Variants in IREB2 observed in about 807,000 individuals in gnomAD.
IREB2 encodes the protein iron-responsive element-binding protein 2.
Under a neutral mutation model 118.8 loss-of-function variants are expected in IREB2, and 39 were observed. The ratio of observed to expected loss-of-function variants is 0.33; its 90% confidence interval spans 0.25 to 0.43. The LOEUF (loss-of-function observed/expected upper bound fraction) is 0.43, where lower values mean the gene tolerates loss of function less well. Among genes scored for constraint, IREB2 ranks in the 20% least tolerant of loss-of-function variants. The pLI is 1.00. For synonymous variants in IREB2, 372 were observed against 392.2 expected (o/e 0.95, Z 0.61); for missense variants, 900 against 1,147.3 (o/e 0.78, Z 3.11).
Position 78,487,825 on chromosome 15 carries a change from G to T in IREB2, c.1794+8G>T. 2 of 1,511,318 alleles carry T rather than the reference G, an allele frequency of 1.3e-6. No individual in the cohort carries two copies. Among genetic ancestry groups the T allele is most frequent in the Non-Finnish European group, 1.8e-6 (2 of 1,088,820 alleles). The allele number at this position is 1,511,318 out of a possible 1,614,324, so 93.6% of individuals were successfully genotyped here. On this transcript the variant is annotated splice_region_variant and intron_variant, in intron 14 of 21. Transcript: ENST00000258886. ...TTAAATGCAGTAAAACAGGTAAAAT[G>T]TGTGGATTGGCAAGACATCTAAATG... is the stretch of plus-strand genomic sequence containing the variant.
rs2051221345 is a variant in IREB2, at chr15:78,462,988, T to C, written c.173T>C (p.Met58Thr). The C allele has an allele frequency of 1.2e-6, 2 of 1,613,712 alleles. No homozygotes were observed. The highest frequency in any genetic ancestry group is 1.3e-5 in the African/African-American group (1 of 74,930). ...AAVRNCDGFL[M>T]KKEDVMNILD... The stretch of plus-strand genomic sequence containing the variant: ...GTACGAAATTGTGATGGCTTTTTAA[T>C]GAAGAAGGAAGATGTTATGAACATT... Residue 58 changes from methionine to threonine, a missense_variant, in exon 3 of 22, where the codon ATG (methionine) becomes ACG (threonine). By Grantham distance (81) the Met-to-Thr change is moderately conservative. Coordinates refer to ENST00000258886, the MANE Select transcript of IREB2 (RefSeq NM_004136.4).
At position 78,493,898 on chromosome 15, in the gene IREB2, C is replaced by T. The variant is rs752816193; in HGVS notation, c.2325-11C>T. ...ATGTAATGAAAACTGACTTTCATTA[C>T]TTTCTTGTAGCCTTACCCCTCGTGA... On this transcript the variant is annotated splice_polypyrimidine_tract_variant and intron_variant, in intron 18 of 21. Transcript: ENST00000258886. The T allele has an allele frequency of 1.9e-6, 3 of 1,602,156 alleles. No individual in the cohort carries two copies. In the African/African-American group the frequency reaches 4.0e-5, roughly 22 times the overall value.
intron 2 of IREB2, among the ~76,000 whole-genome samples, chr15:78,446,027 TTCTG>T (rs2050922898): frequency 6.6e-6 from 1 of 152,148 alleles, no homozygotes; most frequent in Non-Finnish European, 1.5e-5. Context: ...CAAGTGATCC[TTCTG>T]CCTCAGCCTC....
In IREB2 at chr15:78,497,884, C is replaced by G. The variant is rs1335875800; in HGVS notation, c.2782-149C>G. On this transcript the variant is annotated intron_variant, in intron 21 of 21. Coordinates refer to ENST00000258886, the MANE Select transcript of IREB2 (RefSeq NM_004136.4). Reference sequence around the variant, plus strand: ...TTTCAAGCAGCAGCAAAGTTTCAGGCAATCAGAATATAAGAAATTAGAACC... The same window carrying G: ...TTTCAAGCAGCAGCAAAGTTTCAGGGAATCAGAATATAAGAAATTAGAACC... The G allele has an allele frequency of 1.7e-5, 9 of 538,582 alleles. No individual in the cohort carries two copies. In the East Asian group the frequency reaches 2.8e-4, roughly 17 times the overall value. 33.4% of individuals were successfully genotyped at this position (538,582 alleles called of 1,614,324 possible). A position where few individuals can be genotyped will look rare whatever the true frequency, so the allele number is the denominator to read the frequency against.
chr15:78,468,542 C>CTT (rs111279004), intron 5 of IREB2, among the ~76,000 whole-genome samples: 13 of 143,550 alleles, frequency 9.1e-5, no homozygotes, highest in East Asian at 4.0e-4. Context: ...CTCCACCTGG[C>CTT]TTTTTTTTTT....
chr15:78,461,995 T>C (rs1342453563), intron 2 of IREB2, among the ~76,000 whole-genome samples: 1 of 152,200 alleles, frequency 6.6e-6, no homozygotes, highest in African/African-American at 2.4e-5. Context: ...TCGTTGTTTC[T>C]TTTTGTTAAA....
At chr15:78,462,630 A>C (rs990000603) in intron 2 of IREB2, among the ~76,000 whole-genome samples, 1 of 152,138 alleles carries the variant, frequency 6.6e-6, no homozygotes, top group African/African-American at 2.4e-5. Flanking sequence ...CTTGAATATG[A>C]AGTATTTGTC....
intron 15 of IREB2, 67 bp downstream of exon 15, chr15:78,488,403 G>A (rs1198547271): frequency 7.5e-7 from 1 of 1,332,710 alleles, no homozygotes; most frequent in African/African-American, 1.5e-5. Flanking sequence ...TTATATTTTT[G>A]AAATGTTTCT....
In IREB2 at chr15:78,498,330, A is replaced by C; in HGVS notation, c.*187A>C. On this transcript the variant is annotated 3_prime_UTR_variant, in exon 22 of 22. Coordinates refer to ENST00000258886, the MANE Select transcript of IREB2 (RefSeq NM_004136.4). ...CTTCTTGATTTTAAATAATATACGA[A>C]TGGTGCTATTAATATTGCTAAAATC... 2.3e-6 allele frequency: 1 copy of C among 425,602 alleles called. No homozygotes were observed. Among genetic ancestry groups the C allele is most frequent in the East Asian group, 4.0e-5 (1 of 25,238 alleles). 26.4% of individuals were successfully genotyped at this position (425,602 alleles called of 1,614,324 possible).
chr15:78,478,531 T>C (rs755694257), intron 10 of IREB2, 134 bp downstream of exon 10: 9 of 552,746 alleles, frequency 1.6e-5, no homozygotes, highest in Non-Finnish European at 2.9e-5. Context: ...GGTAAAACCC[T>C]GTCACTGCAA....
rs921000533 is a variant in IREB2 at position 78,499,568 on chromosome 15, C to A, written c.*1425C>A. Reference sequence around the variant, plus strand: ...GACCACTAAGAACTTTGCACATAATCATACAATCTTTTGAAAATATTTTGC... The same window carrying A: ...GACCACTAAGAACTTTGCACATAATAATACAATCTTTTGAAAATATTTTGC... On this transcript the variant is annotated 3_prime_UTR_variant, in exon 22 of 22. Coordinates refer to ENST00000258886, the MANE Select transcript of IREB2 (RefSeq NM_004136.4). 1 of 152,182 alleles carries A rather than the reference C, an allele frequency of 6.6e-6. No homozygotes were observed. Among genetic ancestry groups the A allele is most frequent in the African/African-American group, 2.4e-5 (1 of 41,428 alleles). 9.4% of individuals were successfully genotyped at this position (152,182 alleles called of 1,614,324 possible).
Position 78,466,254 on chromosome 15 carries a change from T to C in IREB2, c.411-17T>C. ...CCTTTTAAATGGCTTTATTTTGTTT[T>C]CTTTTTGGAATGACAGTGCAATACA... is the stretch of plus-strand genomic sequence containing the variant. On this transcript the variant is annotated splice_polypyrimidine_tract_variant and intron_variant, in intron 4 of 21. Coordinates refer to ENST00000258886, the MANE Select transcript of IREB2 (RefSeq NM_004136.4). The C allele has an allele frequency of 6.4e-7, 1 of 1,569,868 alleles. No individual in the cohort carries two copies. The highest frequency in any genetic ancestry group is 2.3e-5 in the East Asian group (1 of 44,390).
chr15:78,477,662 A>G (rs1478068878), intron 9 of IREB2, among the ~76,000 whole-genome samples: 1 of 152,190 alleles, frequency 6.6e-6, no homozygotes, highest in Non-Finnish European at 1.5e-5. Flanking sequence ...GCTTACAGCT[A>G]TGATCCTAGC....
chr15:78,477,001 T>C (rs1263900956), intron 9 of IREB2, among the ~76,000 whole-genome samples: 1 of 152,198 alleles, frequency 6.6e-6, no homozygotes, highest in East Asian at 1.9e-4. Context: ...TTTCTAAGTA[T>C]AGATATTTAT....
At chr15:78,439,515 G>A (rs2050811467) in intron 1 of IREB2, among the ~76,000 whole-genome samples, 2 of 152,074 alleles carry the variant, frequency 1.3e-5, no homozygotes, top group Non-Finnish European at 2.9e-5. Flanking sequence ...GACAAATTAT[G>A]GTTTAGAACT....
At chr15:78,486,279 GT>G (rs570215851) in intron 13 of IREB2, among the ~76,000 whole-genome samples, 12 of 152,218 alleles carry the variant, frequency 7.9e-5, no homozygotes, top group Non-Finnish European at 1.6e-4. Flanking sequence ...TAATACATAA[GT>G]TTAAATTGTC....
At chr15:78,456,868 T>A (rs1189716664) in intron 2 of IREB2, among the ~76,000 whole-genome samples, 2 of 152,208 alleles carry the variant, frequency 1.3e-5, no homozygotes, top group African/African-American at 4.8e-5. Context: ...TCAGGTAATT[T>A]CCTCCATGTT....
At chr15:78,471,275 C>T (rs7174190) in intron 6 of IREB2, among the ~76,000 whole-genome samples, 35,414 of 152,232 alleles carry the variant, frequency 0.23, 4,344 homozygotes, top group South Asian at 0.35. Context: ...TCCCAAAGTG[C>T]TGCGATCACA....
intron 2 of IREB2, among the ~76,000 whole-genome samples, chr15:78,460,001 G>A (rs2568483): frequency 0.77 from 116,748 of 152,214 alleles, 44,994 homozygotes; most frequent in African/African-American, 0.81. Context: ...TTGCAAGATA[G>A]TAAGTGTTCT....
Sources: gnomAD v4.1 joint callset for allele counts (sites outside exome capture counted in the v4.1 genomes callset) on GRCh38, gnomAD v4.1.1 for gene constraint, MANE v1.5 for transcripts, NCBI Gene and HGNC (gene_info 2026-07-23, HGNC 2026-07-21) for gene names.